CREB3L2: variants seen among roughly 807,000 people sequenced by gnomAD.
CREB3L2 encodes the protein cyclic AMP-responsive element-binding protein 3-like protein 2.
Under a neutral mutation model 57.2 loss-of-function variants are expected in CREB3L2, and 23 were observed. The observed-to-expected ratio is 0.40, with a 90% confidence interval of 0.29 to 0.57. The LOEUF (loss-of-function observed/expected upper bound fraction) is 0.57, where lower values mean the gene tolerates loss of function less well. Ranked by LOEUF, CREB3L2 falls within the 20% of genes least tolerant of loss-of-function variation. The pLI is 0.42. For missense variants in CREB3L2, 628 were observed against 634.7 expected (o/e 0.99, Z 0.11); for synonymous variants, 268 against 265.1 (o/e 1.01, Z -0.11).
intron 1 of CREB3L2, among the ~76,000 whole-genome samples, chr7:137,974,885 A>C (rs535065658): frequency 6.6e-6 from 1 of 152,308 alleles, no homozygotes; most frequent in South Asian, 2.1e-4. Context: ...AGTCCAGTGG[A>C]GAGACAAGCT....
intron 8 of CREB3L2, among the ~76,000 whole-genome samples, chr7:137,893,482 CT>C: frequency 6.6e-6 from 1 of 152,314 alleles, no homozygotes; most frequent in African/African-American, 2.4e-5. Flanking sequence ...TTGTGTGCAG[CT>C]GGGGGTGGGT....
chr7:137,937,011 C>G (rs1017849000), intron 1 of CREB3L2, among the ~76,000 whole-genome samples: 1 of 152,176 alleles, frequency 6.6e-6, no homozygotes, highest in Non-Finnish European at 1.5e-5. Flanking sequence ...GAAAGCAGAA[C>G]CTGGGCTGGC....
At chr7:137,945,037 C>A (rs1157101581) in intron 1 of CREB3L2, among the ~76,000 whole-genome samples, 1 of 152,186 alleles carries the variant, frequency 6.6e-6, no homozygotes, top group Non-Finnish European at 1.5e-5. Flanking sequence ...GGCTTACGGG[C>A]ATGTGCCACC....
At chr7:137,947,331 A>T (rs1421776997) in intron 1 of CREB3L2, among the ~76,000 whole-genome samples, 1 of 152,118 alleles carries the variant, frequency 6.6e-6, no homozygotes, top group Non-Finnish European at 1.5e-5. Context: ...TATACCCACT[A>T]ACTGGCTACA....
At chr7:137,976,435 C>A (rs1300318978) in intron 1 of CREB3L2, among the ~76,000 whole-genome samples, 1 of 151,336 alleles carries the variant, frequency 6.6e-6, no homozygotes, top group Admixed American at 6.6e-5. Flanking sequence ...ATATTACAAT[C>A]ATCTGGAGAA....
chr7:138,001,037 A>G lies in CREB3L2; in HGVS notation c.102+567T>C, dbSNP rs1479683692. Among the ~76,000 whole-genome samples the G allele has an allele frequency of 6.6e-6, 1 of 151,152 alleles. No homozygotes were observed. Among genetic ancestry groups the G allele is most frequent in the Non-Finnish European group, 1.5e-5 (1 of 67,808 alleles). ...GACTTCTTGGTCGTACAGTTTAAGA[A>G]AGCAAATAAAGCCGCCTTTCTCCCT... is the stretch of plus-strand genomic sequence containing the variant. On this transcript the variant is annotated intron_variant, in intron 1 of 11. Transcript: ENST00000330387. This position sits in a 1 kb window ranked among gnomAD's most constrained non-coding sequence, Gnocchi z 4.2.
chr7:137,916,919 A>G (rs1291417255), intron 2 of CREB3L2, among the ~76,000 whole-genome samples: 1 of 152,036 alleles, frequency 6.6e-6, no homozygotes, highest in Non-Finnish European at 1.5e-5. Flanking sequence ...TCTCCAAAGG[A>G]AAGTTATTTG....
chr7:137,946,531 A>G (rs1314859532), intron 1 of CREB3L2, among the ~76,000 whole-genome samples: 4 of 151,590 alleles, frequency 2.6e-5, no homozygotes, highest in Non-Finnish European at 5.9e-5. Flanking sequence ...ACCTAACTGC[A>G]GGTTGGTGAG....
chr7:137,891,058 T>C (rs1799519836), intron 8 of CREB3L2, among the ~76,000 whole-genome samples: 2 of 152,218 alleles, frequency 1.3e-5, no homozygotes, highest in African/African-American at 4.8e-5. Context: ...GGAATACTCT[T>C]AGCATACGTT....
At chr7:137,886,314 CAGA>C (rs1376832195) in intron 8 of CREB3L2, among the ~76,000 whole-genome samples, 1 of 152,030 alleles carries the variant, frequency 6.6e-6, no homozygotes, top group Non-Finnish European at 1.5e-5. Context: ...CAGAGAACAA[CAGA>C]AGGAGTGGCC....
In CREB3L2 at chr7:138,001,984, C is replaced by T. The variant is rs1802090071; in HGVS notation, c.-279G>A. On this transcript the variant is annotated 5_prime_UTR_variant, in exon 1 of 12. Transcript: ENST00000330387. The surrounding 1 kb of genome is among the most constrained non-coding windows in gnomAD (Gnocchi z 4.2). ...GCGGGATGTGCATCCAAAATGAAGG[C>T]AGAAGACCCGCTCTCATCCCAGGAA... 4 of 407,446 alleles carry T rather than the reference C, an allele frequency of 9.8e-6. No homozygotes were observed. Among genetic ancestry groups the T allele is most frequent in the Non-Finnish European group, 1.8e-5 (4 of 225,672 alleles). 25.2% of individuals were successfully genotyped at this position (407,446 alleles called of 1,614,324 possible).
chr7:137,955,306 G>A, intron 1 of CREB3L2: 1 of 1,289,096 alleles, frequency 7.8e-7, no homozygotes, highest in Non-Finnish European at 1.0e-6. Context: ...GCAAAGCCCT[G>A]GTGGATTGAA....
intron 8 of CREB3L2, among the ~76,000 whole-genome samples, chr7:137,889,093 T>TA (rs544989061): frequency 6.1e-4 from 91 of 150,364 alleles, no homozygotes; most frequent in Middle Eastern, 3.4e-3. Context: ...TGAATAGCTT[T>TA]AAAAAAAAAA....
In CREB3L2 at chr7:137,882,602, C is replaced by T. The variant is rs137882853; in HGVS notation, c.1297G>A (p.Glu433Lys). The change falls in exon 11 of 12, where the codon GAG becomes AAG. Residue 433 changes from glutamate to lysine, a missense_variant. Transcript: ENST00000330387. The part of the protein sequence containing the change: ...VVRSRNLLIY[E>K]EHSPPEESSS... Reference sequence around the variant, plus strand: ...GACTCCTCTGGGGGAGAATGTTCCTCGTAGATCAGCAGGTTTCTGGATCTC... The same window carrying T: ...GACTCCTCTGGGGGAGAATGTTCCTTGTAGATCAGCAGGTTTCTGGATCTC... 197 of 1,607,346 alleles carry T rather than the reference C, an allele frequency of 1.2e-4. No homozygotes were observed. In the East Asian group the frequency reaches 1.3e-3, roughly 11 times the overall value.
At chr7:137,984,882 C>T (rs1801767208) in intron 1 of CREB3L2, among the ~76,000 whole-genome samples, 1 of 152,238 alleles carries the variant, frequency 6.6e-6, no homozygotes, top group Non-Finnish European at 1.5e-5. Flanking sequence ...AACTCTTCTA[C>T]AGTAACGTAG....
intron 1 of CREB3L2, among the ~76,000 whole-genome samples, chr7:137,933,305 C>T (rs1057270426): frequency 1.3e-5 from 2 of 152,246 alleles, no homozygotes; most frequent in Admixed American, 1.3e-4. Context: ...AAGTCCCGAT[C>T]TGCTGTGCTG....
intron 1 of CREB3L2, among the ~76,000 whole-genome samples, chr7:137,956,820 G>A (rs1045041772): frequency 5.3e-5 from 8 of 152,168 alleles, no homozygotes; most frequent in Middle Eastern, 3.2e-3. Context: ...ACAACATTCC[G>A]CACAGAGCTA....
At position 137,946,766 on chromosome 7, in the gene CREB3L2, T is replaced by TATATATAGTTATCTATATAGTTATATA. The variant is rs200811747; in HGVS notation, c.103-18401_103-18400insTATATAACTATATAGATAACTATATAT. On this transcript the variant is annotated intron_variant, in intron 1 of 11. Transcript: ENST00000330387. Reference sequence around the variant, plus strand: ...AGTTTTTTATAGTTATCTATATAGTTTAGTTATCTATATAGTTATCTATAT... The same window carrying TATATATAGTTATCTATATAGTTATATA: ...AGTTTTTTATAGTTATCTATATAGTTATATATAGTTATCTATATAGTTATATATAGTTATCTATATAGTTATCTATAT... Among the ~76,000 whole-genome samples, 6 of 38,824 alleles carry TATATATAGTTATCTATATAGTTATATA rather than the reference T, an allele frequency of 1.5e-4. 1 individual carries two copies. The highest frequency in any genetic ancestry group is 4.2e-4 in the African/African-American group (6 of 14,184). The allele number at this position is 38,824 out of a possible 152,430, so 25.5% of individuals were successfully genotyped here.
chr7:137,925,622 C>T (rs79238178), intron 2 of CREB3L2, among the ~76,000 whole-genome samples: 2,863 of 152,228 alleles, frequency 0.019, 89 homozygotes, highest in African/African-American at 0.065. Flanking sequence ...CAGATCGCCA[C>T]CTTAAGGGGG....
Sources: gnomAD v4.1 joint callset for allele counts (sites outside exome capture counted in the v4.1 genomes callset) on GRCh38, gnomAD v4.1.1 for gene constraint, Gnocchi (gnomAD v3.1) non-coding constraint, MANE v1.5 for transcripts, NCBI Gene and HGNC (gene_info 2026-07-23, HGNC 2026-07-21) for gene names.